The following PDE10A variants were observed in gnomAD, a reference collection of about 807,000 sequenced individuals.
PDE10A encodes the protein cAMP and cAMP-inhibited cGMP 3',5'-cyclic phosphodiesterase 10A.
A neutral mutation model predicts 97.7 loss-of-function variants in PDE10A; 39 were observed. The observed-to-expected ratio is 0.40, with a 90% CI of 0.31 to 0.52. The LOEUF (loss-of-function observed/expected upper bound fraction) is 0.52, where lower values mean the gene tolerates loss of function less well. Among genes scored for constraint, PDE10A ranks in the 20% least tolerant of loss-of-function variants. The pLI is 0.56. For missense variants in PDE10A, 731 were observed against 1,047.8 expected (o/e 0.70, Z 4.17); for synonymous variants, 371 against 376.8 (o/e 0.98, Z 0.18).
At chr6:165,376,529 T>C (rs998572461) in intron 18 of PDE10A, among the ~76,000 whole-genome samples, 1 of 152,248 alleles carries the variant, frequency 6.6e-6, no homozygotes, top group Non-Finnish European at 1.5e-5. Context: ...GGTGAAATGC[T>C]ATCAAACAGC....
chr6:165,343,488 C>T lies in PDE10A; in HGVS notation c.2798G>A (p.Gly933Asp). The T allele has an allele frequency of 6.2e-7, 1 of 1,613,134 alleles. No homozygotes were observed. The highest frequency in any genetic ancestry group is 8.5e-7 in the Non-Finnish European group (1 of 1,179,148). ...NNQSHRDRVI[G>D]LMMTACDLCS... is the part of the protein sequence containing the mutation. ...AAGGTCACAGGCAGTCATCATCAAA[C>T]CAATTACACGGTCTCTAGAACACAA... The change falls in exon 19 of 22, where the codon GGT becomes GAT. Residue 933 changes from glycine (G) to aspartate (D), a missense_variant. This residue lies in a region of PDE10A where 96 missense variants were observed against 156.7 expected (regional missense o/e 0.61). Coordinates refer to ENST00000539869, the MANE Select transcript of PDE10A (RefSeq NM_001385079.1).
chr6:165,765,085 G>A (rs955522352), intron 1 of PDE10A, among the ~76,000 whole-genome samples: 1 of 152,212 alleles, frequency 6.6e-6, no homozygotes, highest in African/African-American at 2.4e-5. Flanking sequence ...CAAACCCTGA[G>A]CTAGACACAG....
rs560287421 is a variant in PDE10A, at chr6:165,702,809, T to C, written c.-614-159241A>G. Among the ~76,000 whole-genome samples, 176 of 152,276 alleles carry C rather than the reference T, an allele frequency of 1.2e-3. 2 individuals are homozygous for C. Among genetic ancestry groups the C allele is most frequent in the African/African-American group, 4.1e-3 (170 of 41,556 alleles). On this transcript the variant is annotated intron_variant, in intron 1 of 19. Coordinates refer to the PDE10A transcript ENST00000366882. ...TTCCCATGGTGCACTGCAAGGACGC[T>C]CTCTCATGATCTAATCTGCACTAGA...
intron 18 of PDE10A, among the ~76,000 whole-genome samples, chr6:165,354,690 A>T (rs1250134406): frequency 1.3e-5 from 2 of 152,226 alleles, no homozygotes; most frequent in African/African-American, 4.8e-5. Context: ...CAAATCTTTG[A>T]AAAGGACAGG....
chr6:165,732,782 G>A (rs942050620), intron 1 of PDE10A, among the ~76,000 whole-genome samples: 1 of 152,286 alleles, frequency 6.6e-6, no homozygotes, highest in African/African-American at 2.4e-5. Context: ...GCATATGAGC[G>A]CTGTCCCAGT....
chr6:165,575,229 C>A (rs570766882), intron 1 of PDE10A, among the ~76,000 whole-genome samples: 2 of 152,154 alleles, frequency 1.3e-5, no homozygotes, highest in African/African-American at 4.8e-5. Context: ...AGTTTTGTGA[C>A]CTGCATTTCT....
At chr6:165,473,302 C>T (rs991681357) in intron 3 of PDE10A, among the ~76,000 whole-genome samples, 4 of 152,152 alleles carry the variant, frequency 2.6e-5, no homozygotes, top group African/African-American at 9.7e-5. Context: ...CTGGATTAGA[C>T]TGGTTTCAAT....
Position 165,392,568 on chromosome 6 carries a change from T to G in PDE10A, c.2454+78A>C, listed in dbSNP as rs1030063803. ...CTTGGAATAACATGTCACAAATCCA[T>G]GTCATCAATGTGCTCCTGACACACA... On this transcript the variant is annotated intron_variant, in intron 16 of 21. Coordinates refer to ENST00000539869, the MANE Select transcript of PDE10A (RefSeq NM_001385079.1). The G allele has an allele frequency of 3.7e-5, 51 of 1,363,558 alleles. No individual in the cohort carries two copies. The Admixed American group carries it at 4.1e-4, about 11-fold the overall frequency. The allele number at this position is 1,363,558 out of a possible 1,614,324, so 84.5% of individuals were successfully genotyped here.
At chr6:165,668,963 C>T (rs73026132) in intron 1 of PDE10A, among the ~76,000 whole-genome samples, 4,500 of 152,286 alleles carry the variant, frequency 0.03, 117 homozygotes, top group East Asian at 0.096. Context: ...AAGTTTGATG[C>T]AGGGATCAGG....
chr6:165,934,477 A>G (rs559008666), intron 1 of PDE10A, among the ~76,000 whole-genome samples: 2 of 150,926 alleles, frequency 1.3e-5, no homozygotes, highest in South Asian at 4.2e-4. Context: ...AACTAGTGAC[A>G]AAAAAAAACC....
chr6:165,495,143 G>A (rs1347884237), intron 2 of PDE10A, among the ~76,000 whole-genome samples: 2 of 152,138 alleles, frequency 1.3e-5, no homozygotes, highest in Non-Finnish European at 2.9e-5. Context: ...GCCAGACACC[G>A]AATAAATGTC....
intron 18 of PDE10A, among the ~76,000 whole-genome samples, chr6:165,365,294 T>C (rs1237285899): frequency 1.3e-5 from 2 of 152,202 alleles, no homozygotes; most frequent in Non-Finnish European, 1.5e-5. Context: ...AGGCAAAAGA[T>C]AATTTTGTAG....
At chr6:165,560,407 C>A (rs1290919816) in intron 1 of PDE10A, among the ~76,000 whole-genome samples, 1 of 152,186 alleles carries the variant, frequency 6.6e-6, no homozygotes, top group African/African-American at 2.4e-5. Context: ...GAGCTTTCCC[C>A]AGAGCCTCCA....
intron 1 of PDE10A, among the ~76,000 whole-genome samples, chr6:165,843,083 T>A (rs772768574): frequency 5.3e-5 from 8 of 152,222 alleles, no homozygotes; most frequent in Non-Finnish European, 1.2e-4. Context: ...TCAGCCCACC[T>A]GACAGCGTAG....
chr6:165,576,779 T>C (rs527935655), intron 1 of PDE10A, among the ~76,000 whole-genome samples: 1 of 152,368 alleles, frequency 6.6e-6, no homozygotes, highest in East Asian at 1.9e-4. Flanking sequence ...CAACAGTACC[T>C]TCACAGTGTT....
chr6:165,964,308 A>G (rs1341614622), intron 1 of PDE10A, among the ~76,000 whole-genome samples: 1 of 152,174 alleles, frequency 6.6e-6, no homozygotes, highest in Non-Finnish European at 1.5e-5. Flanking sequence ...CCAGCTCCTC[A>G]TTTCATAGAC....
Position 165,814,886 on chromosome 6 carries a change from T to C in PDE10A, c.-615+172643A>G, listed in dbSNP as rs117608912. ...CGTTCCTCTGCTTGTGCCTCAAGAG[T>C]CTGGCATCAGATGGGAATTGACAAA... On this transcript the variant is annotated intron_variant, in intron 1 of 19. Transcript: ENST00000366882. Among the ~76,000 whole-genome samples, 965 of 151,840 alleles carry C rather than the reference T, an allele frequency of 6.4e-3. 17 individuals are homozygous for C. Among genetic ancestry groups the C allele is most frequent in the East Asian group, 0.012 (60 of 5,148 alleles).
chr6:165,865,089 A>T (rs1402662680), intron 1 of PDE10A, among the ~76,000 whole-genome samples: 2 of 152,198 alleles, frequency 1.3e-5, no homozygotes, highest in Non-Finnish European at 2.9e-5. Context: ...TGTGCCCAAA[A>T]ATTGACGCAC....
chr6:165,375,079 T>A (rs967651128), intron 18 of PDE10A, among the ~76,000 whole-genome samples: 2 of 152,154 alleles, frequency 1.3e-5, no homozygotes, highest in African/African-American at 2.4e-5. Flanking sequence ...TCCTTGAACA[T>A]CCTTGTTCCC....
Sources: allele counts gnomAD v4.1 joint callset (sites outside exome capture counted in the v4.1 genomes callset), GRCh38; gene constraint gnomAD v4.1.1; regional missense constraint gnomAD v4.1.1; transcripts MANE v1.5; gene names NCBI Gene and HGNC (gene_info 2026-07-23, HGNC 2026-07-21).